Variants in EP400 observed in about 807,000 individuals in gnomAD.
EP400 encodes E1A binding protein p400.
In EP400, 105 loss-of-function variants were observed where a neutral mutation model predicts 354.1. The observed-to-expected ratio is 0.30, with a 90% CI of 0.25 to 0.35. EP400 has a LOEUF of 0.35. Ranked by LOEUF, EP400 falls within the 10% of genes least tolerant of loss-of-function variation. EP400 has a pLI of 1.00. For missense variants in EP400, 3,280 were observed against 4,121.0 expected, an observed-to-expected ratio of 0.80 and a Z score of 5.59; for synonymous variants, 1,646 against 1,716.9, an observed-to-expected ratio of 0.96 and a Z score of 1.02.
chr12:132,033,121 T>C (rs1376399120), intron 30 of EP400, among the ~76,000 whole-genome samples: 1 of 151,906 alleles, frequency 6.6e-6, no homozygotes, highest in African/African-American at 2.4e-5. Flanking sequence ...CTAGTTTTTG[T>C]ATTTTTAGTA....
chr12:132,051,732 C>G (rs1005790465), intron 41 of EP400, among the ~76,000 whole-genome samples: 4 of 152,070 alleles, frequency 2.6e-5, no homozygotes, highest in African/African-American at 9.7e-5. Flanking sequence ...GTTAGGCCTC[C>G]GGATAACTGC....
rs551239862 is a variant in EP400 at position 132,030,613 on chromosome 12, C to T, written c.5754+455C>T. On this transcript the variant is annotated intron_variant, in intron 29 of 52. Coordinates refer to ENST00000389561, the MANE Select transcript of EP400 (RefSeq NM_015409.5). ...AAACTAGTATAGTTCTAGAAGGCAG[C>T]CTGGCAGTATGGATTTGAACCTTAA... Among the ~76,000 whole-genome samples the T allele has an allele frequency of 1.2e-4, 18 of 152,298 alleles. 1 individual carries two copies. The highest frequency in any genetic ancestry group is 4.1e-4 in the African/African-American group (17 of 41,570).
intron 12 of EP400, among the ~76,000 whole-genome samples, chr12:131,996,850 T>C (rs1031837006): frequency 1.3e-5 from 2 of 152,182 alleles, no homozygotes; most frequent in African/African-American, 4.8e-5. Flanking sequence ...ATGGTCTTTA[T>C]ATATTCTGGA....
Position 131,950,056 on chromosome 12 carries a change from C to T in EP400, c.-36+20C>T, listed in dbSNP as rs1351136741. The T allele has an allele frequency of 6.6e-6, 1 of 151,798 alleles. No individual in the cohort carries two copies. The highest frequency in any genetic ancestry group is 2.4e-5 in the African/African-American group (1 of 41,412). The allele number at this position is 151,798 out of a possible 1,614,324, so 9.4% of individuals were successfully genotyped here. The stretch of plus-strand genomic sequence containing the variant: ...CCCAGGGTAAGTGAGGGCGGAGGCG[C>T]GGGACGGGGGCGGGAGGCTCTCGGG... On this transcript the variant is annotated intron_variant, in intron 1 of 52. Transcript: ENST00000389561.
In EP400 at chr12:132,075,061, G is replaced by C. The variant is rs1020641030; in HGVS notation, c.9022-1455G>C. Among the ~76,000 whole-genome samples, 2 of 152,120 alleles carry C rather than the reference G, an allele frequency of 1.3e-5. No homozygotes were observed. Among genetic ancestry groups the C allele is most frequent in the African/African-American group, 4.8e-5 (2 of 41,420 alleles). On this transcript the variant is annotated intron_variant, in intron 51 of 52. Transcript: ENST00000389561. This position sits in a 1 kb window ranked among gnomAD's most constrained non-coding sequence, Gnocchi z 4.5. ...TTACCCACCTGGCCTCTGAATCTGT[G>C]TCTCCTCCTCTCTCCTCCCCGGCAC... is the stretch of plus-strand genomic sequence containing the variant.
At position 132,077,555 on chromosome 12, in the gene EP400, GCGCTCCCAACCCAGC is replaced by G; in HGVS notation, c.9256_9270del (p.Ala3086_Ala3090del). The G allele has an allele frequency of 6.2e-7, 1 of 1,613,866 alleles. No homozygotes were observed. Among genetic ancestry groups the G allele is most frequent in the African/African-American group, 1.3e-5 (1 of 75,024 alleles). ...GCGTCGGCCCCGCTCCAGACTCCAG[GCGCTCCCAACCCAGC>G]CCAGGTGCCCGCCAGCTCCGACAGC... On this transcript the variant is annotated inframe_deletion, in exon 53 of 53. Coordinates refer to ENST00000389561, the MANE Select transcript of EP400 (RefSeq NM_015409.5).
intron 39 of EP400, among the ~76,000 whole-genome samples, chr12:132,047,637 A>T (rs1490723501): frequency 6.6e-6 from 1 of 152,224 alleles, no homozygotes; most frequent in African/African-American, 2.4e-5. Context: ...AAATGGAGGC[A>T]GGGCGAGATC....
At chr12:132,024,412 A>G (rs554039726) in intron 24 of EP400, among the ~76,000 whole-genome samples, 1 of 152,316 alleles carries the variant, frequency 6.6e-6, no homozygotes, top group East Asian at 1.9e-4. Context: ...GCTGCTTTCT[A>G]ATATAGGTGT....
At position 132,017,450 on chromosome 12, in the gene EP400, G is replaced by T. The variant is rs549011143; in HGVS notation, c.3924-85G>T. On this transcript the variant is annotated intron_variant, in intron 19 of 52. Transcript: ENST00000389561. This position sits in a 1 kb window ranked among gnomAD's most constrained non-coding sequence, Gnocchi z 5.0. Reference sequence around the variant, plus strand: ...AAATCTGCTCCTGCCTGCCTTTCTGGAGTTGGGACAGTCGATGGTGAGGGT... The same window carrying T: ...AAATCTGCTCCTGCCTGCCTTTCTGTAGTTGGGACAGTCGATGGTGAGGGT... 70 of 1,454,510 alleles carry T rather than the reference G, an allele frequency of 4.8e-5. 1 individual carries two copies. In the East Asian group the frequency reaches 1.6e-3, roughly 33 times the overall value. The allele number at this position is 1,454,510 out of a possible 1,614,324, so 90.1% of individuals were successfully genotyped here. A position where few individuals can be genotyped will look rare whatever the true frequency, so the allele number is the denominator to read the frequency against.
At chr12:132,030,508 T>A (rs753875985) in intron 29 of EP400, among the ~76,000 whole-genome samples, 27 of 152,250 alleles carry the variant, frequency 1.8e-4, no homozygotes, top group Non-Finnish European at 3.2e-4. Flanking sequence ...GCCCATTGTT[T>A]ACTTACAAGA....
At position 132,064,818 on chromosome 12, in the gene EP400, G is replaced by A; in HGVS notation, c.8485G>A (p.Val2829Ile). The A allele has an allele frequency of 1.2e-6, 2 of 1,612,556 alleles. No homozygotes were observed. Among genetic ancestry groups the A allele is most frequent in the South Asian group, 1.1e-5 (1 of 91,054 alleles). ...PQQQSPQLTT[V>I]TAPRPGALLT... is the part of the protein sequence containing the mutation. ...GCAGCAGAGCCCCCAGCTCACGACG[G>A]TCACGGCCCCAAGGCCTGGTGCCCT... The change falls in exon 48 of 53, where the codon GTC becomes ATC. Residue 2829 changes from valine (V) to isoleucine (I), a missense_variant. By Grantham distance (29) the Val-to-Ile change is conservative. Coordinates refer to ENST00000389561, the MANE Select transcript of EP400 (RefSeq NM_015409.5).
At chr12:132,055,366 C>T (rs1056726870) in intron 45 of EP400, among the ~76,000 whole-genome samples, 158 bp downstream of exon 45, 13 of 152,110 alleles carry the variant, frequency 8.5e-5, no homozygotes, top group Admixed American at 2.0e-4. Context: ...ATGTTGATTT[C>T]AGAAACATTC....
Position 132,023,889 on chromosome 12 carries a change from G to A in EP400, c.4803G>A (p.Leu1601=). ...TLQFQGSKFT[L]SHSQLRQLTA... ...AGTTCCAGGGCAGCAAGTTCACCCTGTCACACAGCCAGCTCCGGCAGCTCA... is the reference window on the plus strand; with the variant it reads ...AGTTCCAGGGCAGCAAGTTCACCCTATCACACAGCCAGCTCCGGCAGCTCA... The change falls in exon 24 of 53, where the codon CTG becomes CTA. Residue 1601 remains leucine (L), a synonymous_variant. Transcript: ENST00000389561. The A allele has an allele frequency of 6.2e-7, 1 of 1,613,008 alleles. No homozygotes were observed. Among genetic ancestry groups the A allele is most frequent in the Non-Finnish European group, 8.5e-7 (1 of 1,179,628 alleles).
chr12:132,046,395 T>C (rs926463059), intron 39 of EP400, among the ~76,000 whole-genome samples: 2 of 152,190 alleles, frequency 1.3e-5, no homozygotes, highest in African/African-American at 4.8e-5. Flanking sequence ...AATGAAAAGA[T>C]AAGTTGATAA....
chr12:132,072,751 G>C (rs979422845), intron 51 of EP400, among the ~76,000 whole-genome samples: 6 of 152,204 alleles, frequency 3.9e-5, no homozygotes, highest in African/African-American at 1.4e-4. Context: ...GGCGTGTTTA[G>C]ATGTCCCATT....
In EP400 at chr12:132,021,299, G is replaced by T. The variant is rs770866693; in HGVS notation, c.4668G>T (p.Ser1556=). 5.2e-6 allele frequency: 8 copies of T among 1,524,176 alleles called. No individual in the cohort carries two copies. The East Asian group carries it at 9.9e-5, about 19-fold the overall frequency. The allele number at this position is 1,524,176 out of a possible 1,614,324, so 94.4% of individuals were successfully genotyped here. A position where few individuals can be genotyped will look rare whatever the true frequency, so the allele number is the denominator to read the frequency against. ...TGCCTCAGAGGCTGGTGCTCCCCTC[G>T]CAGGCCCAGGCCCGCTTGCCCAGTA... is the stretch of plus-strand genomic sequence containing the variant. ...SALPQRLVLP[S]QAQARLPSGE... is the part of the protein sequence containing the mutation. Residue 1556 remains serine, a synonymous_variant, in exon 23 of 53, where the codon TCG becomes TCT. Coordinates refer to ENST00000389561, the MANE Select transcript of EP400 (RefSeq NM_015409.5).
At position 131,973,496 on chromosome 12, in the gene EP400, T is replaced by G. The variant is rs577625466; in HGVS notation, c.1336-6198T>G. ...ATCTCTACCAAAAATACCAAAAATT[T>G]GCCGGGTGTGGTGGCGTGTTCCCGT... On this transcript the variant is annotated intron_variant, in intron 2 of 52. Coordinates refer to ENST00000389561, the MANE Select transcript of EP400 (RefSeq NM_015409.5). Among the ~76,000 whole-genome samples the G allele has an allele frequency of 2.2e-3, 329 of 152,224 alleles. 3 individuals are homozygous for G. Among genetic ancestry groups the G allele is most frequent in the Non-Finnish European group, 3.4e-3 (229 of 68,002 alleles).
chr12:132,051,687 G>A (rs1449993909), intron 41 of EP400, among the ~76,000 whole-genome samples: 2 of 152,204 alleles, frequency 1.3e-5, no homozygotes, highest in African/African-American at 2.4e-5. Context: ...CAGACTAGGA[G>A]TGTGACCACT....
rs1892706157 is a variant in EP400, at chr12:131,982,261, TCTC to T, written c.1716_1718del (p.Ser573del). On this transcript the variant is annotated inframe_deletion, in exon 5 of 53. Coordinates refer to ENST00000389561, the MANE Select transcript of EP400 (RefSeq NM_015409.5). ...CCAGCCGGTGTTCCCACTGCAGCCCTCTCCTCTGCGCTGCAGTTTGCACAGCAG... is the reference window on the plus strand; with the variant it reads ...CCAGCCGGTGTTCCCACTGCAGCCCTCTCTGCGCTGCAGTTTGCACAGCAG... 1 of 1,614,124 alleles carries T rather than the reference TCTC, an allele frequency of 6.2e-7. No individual in the cohort carries two copies. The highest frequency in any genetic ancestry group is 8.5e-7 in the Non-Finnish European group (1 of 1,180,008).
Sources: allele counts gnomAD v4.1 joint callset (sites outside exome capture counted in the v4.1 genomes callset), GRCh38; gene constraint gnomAD v4.1.1; non-coding constraint Gnocchi (gnomAD v3.1); transcripts MANE v1.5; gene names NCBI Gene and HGNC (gene_info 2026-07-23, HGNC 2026-07-21).